The following RNPS1 variants were observed in gnomAD, a reference collection of about 807,000 sequenced individuals.
RNPS1 encodes RNA-binding protein with serine-rich domain 1.
For missense variants in RNPS1, 300 were observed against 427.6 expected (o/e 0.70, Z 2.63); for synonymous variants, 147 against 150.0 (o/e 0.98, Z 0.15).
Position 2,255,115 on chromosome 16 carries a change from TTG to T in RNPS1, c.818+468_818+469del, listed in dbSNP as rs2093571843. ...GCCCTGAGCTCTTGGGAACGGGTGC[TTG>T]TGAGACCCAAGGCAGAAGCCCAGGC... On this transcript the variant is annotated intron_variant, in intron 7 of 7. Coordinates refer to ENST00000320225, the MANE Select transcript of RNPS1 (RefSeq NM_080594.4). Among the ~76,000 whole-genome samples, 3 of 152,220 alleles carry T rather than the reference TTG, an allele frequency of 2.0e-5. No individual in the cohort carries two copies. In the South Asian group the frequency reaches 6.2e-4, roughly 32 times the overall value.
At chr16:2,259,211 T>C (rs1426942098) in intron 6 of RNPS1, among the ~76,000 whole-genome samples, 1 of 152,052 alleles carries the variant, frequency 6.6e-6, no homozygotes, top group African/African-American at 2.4e-5. Context: ...CCAAAAATTA[T>C]ACAGGAAGCA....
intron 1 of RNPS1, chr16:2,265,856 T>C (rs2093623036): frequency 6.5e-6 from 1 of 152,690 alleles, no homozygotes; most frequent in Non-Finnish European, 1.5e-5. Context: ...TTTTCAAAAA[T>C]AAGATGGAGA....
chr16:2,254,160 G>C, intron 7 of RNPS1, 97 bp from the exon 8 acceptor site: 1 of 871,868 alleles, frequency 1.1e-6, no homozygotes, highest in Non-Finnish European at 1.7e-6. Flanking sequence ...TTTTTGAGAT[G>C]GAATATCACT....
intron 1 of RNPS1, chr16:2,267,402 C>T: frequency 1.0e-6 from 1 of 982,886 alleles, no homozygotes; most frequent in Non-Finnish European, 1.2e-6. Context: ...CAAACTTAAC[C>T]TTCCCGTATC....
At chr16:2,266,304 G>T in intron 1 of RNPS1, 2 of 985,370 alleles carry the variant, frequency 2.0e-6, no homozygotes, top group Non-Finnish European at 1.2e-6. Flanking sequence ...TCTTGTCCAG[G>T]GGTAAAATGT....
At chr16:2,261,601 G>A (rs151102884) in intron 6 of RNPS1, among the ~76,000 whole-genome samples, 114 of 152,328 alleles carry the variant, frequency 7.5e-4, no homozygotes, top group Non-Finnish European at 1.4e-3. Context: ...AAGTGTTTTA[G>A]TACTGTCTGA....
rs1204054836 is a variant in RNPS1 at position 2,262,850 on chromosome 16, A to G, written c.420-8T>C. ...CTTTTAGGTGGTTTGGATCTGATTG[A>G]GAAAACAAAACACCAGAAACAATTT... On this transcript the variant is annotated splice_polypyrimidine_tract_variant and splice_region_variant and intron_variant, in intron 4 of 7. Coordinates refer to ENST00000320225, the MANE Select transcript of RNPS1 (RefSeq NM_080594.4). 1 of 1,610,468 alleles carries G rather than the reference A, an allele frequency of 6.2e-7. No individual in the cohort carries two copies. The highest frequency in any genetic ancestry group is 1.7e-5 in the Admixed American group (1 of 59,888).
intron 6 of RNPS1, chr16:2,258,392 T>A (rs903503965): frequency 6.6e-6 from 1 of 152,228 alleles, no homozygotes; most frequent in African/African-American, 2.4e-5. Flanking sequence ...AAAAAAGGTG[T>A]TCCTAAAACA....
At chr16:2,264,453 T>A in intron 2 of RNPS1, 120 bp downstream of exon 2, 1 of 1,537,432 alleles carries the variant, frequency 6.5e-7, no homozygotes. Flanking sequence ...CAGAGCAAAG[T>A]GGTCTGTGGC....
At chr16:2,259,391 C>T (rs1880219981) in intron 6 of RNPS1, among the ~76,000 whole-genome samples, 1 of 152,192 alleles carries the variant, frequency 6.6e-6, no homozygotes, top group Non-Finnish European at 1.5e-5. Context: ...ACAGAGCTAA[C>T]AAATTTCGTC....
intron 6 of RNPS1, chr16:2,258,276 G>T (rs1482811341): frequency 6.6e-6 from 1 of 152,178 alleles, no homozygotes; most frequent in Non-Finnish European, 1.5e-5. Flanking sequence ...AACTGAATTT[G>T]ATCCTTAAGC....
intron 7 of RNPS1, among the ~76,000 whole-genome samples, chr16:2,255,233 G>A (rs886970760): frequency 1.3e-5 from 2 of 151,864 alleles, no homozygotes; most frequent in Non-Finnish European, 2.9e-5. Flanking sequence ...TACCACCCCC[G>A]CCCCACAACT....
At chr16:2,267,710 C>CT in intron 1 of RNPS1, 2 of 1,235,046 alleles carry the variant, frequency 1.6e-6, no homozygotes, top group Non-Finnish European at 2.0e-6. Flanking sequence ...AGGGCAGGGC[C>CT]TGGCGTTGGG....
chr16:2,261,487 T>G (rs1378225676), intron 6 of RNPS1, among the ~76,000 whole-genome samples: 1 of 152,216 alleles, frequency 6.6e-6, no homozygotes, highest in Non-Finnish European at 1.5e-5. Flanking sequence ...CTCCCTACGA[T>G]TCTCGTGATT....
At chr16:2,255,499 G>A in intron 7 of RNPS1, 86 bp downstream of exon 7, 1 of 1,448,178 alleles carries the variant, frequency 6.9e-7, no homozygotes, top group Non-Finnish European at 9.3e-7. Flanking sequence ...TGGAAGGCAG[G>A]CAGGGCTGAA....
chr16:2,263,844 C>G lies in RNPS1; in HGVS notation c.227+332G>C, dbSNP rs1052265056. On this transcript the variant is annotated intron_variant, in intron 3 of 7. Transcript: ENST00000320225. The stretch of plus-strand genomic sequence containing the variant: ...CTCTTGCCTCAGCCCTCCCAAGTAG[C>G]TGGGACTACAGATGCATGCCACCAC... The G allele has an allele frequency of 6.3e-5, 18 of 287,616 alleles. 1 individual carries two copies. Among genetic ancestry groups the G allele is most frequent in the Admixed American group, 4.4e-4 (9 of 20,356 alleles). 17.8% of individuals were successfully genotyped at this position (287,616 alleles called of 1,614,324 possible). A position where few individuals can be genotyped will look rare whatever the true frequency, so the allele number is the denominator to read the frequency against.
Position 2,254,187 on chromosome 16 carries a change from G to C in RNPS1, c.819-124C>G, listed in dbSNP as rs181389678. 6 of 679,296 alleles carry C rather than the reference G, an allele frequency of 8.8e-6. No homozygotes were observed. In the East Asian group the frequency reaches 9.6e-5, roughly 11 times the overall value. The allele number at this position is 679,296 out of a possible 1,614,324, so 42.1% of individuals were successfully genotyped here. On this transcript the variant is annotated intron_variant, in intron 7 of 7. Transcript: ENST00000320225. ...AATATCACTCTGTCTCCAGGCCAGA[G>C]TGCAGTGGCACGATCTCAGCTCACT... is the stretch of plus-strand genomic sequence containing the variant.
chr16:2,267,849 G>T lies in RNPS1; in HGVS notation c.-118+206C>A, dbSNP rs1220110746. The T allele has an allele frequency of 4.5e-5, 68 of 1,508,808 alleles. No individual in the cohort carries two copies. In the Admixed American group the frequency reaches 1.4e-3, roughly 31 times the overall value. 93.5% of individuals were successfully genotyped at this position (1,508,808 alleles called of 1,614,324 possible). On this transcript the variant is annotated intron_variant, in intron 1 of 7. Coordinates refer to ENST00000320225, the MANE Select transcript of RNPS1 (RefSeq NM_080594.4). ...GCACAGGCGCCCTTCCGTCCGCAGC[G>T]GCCCCGACCACTTCCGGGCCACGGC...
At chr16:2,266,026 G>A in intron 1 of RNPS1, 1 of 771,060 alleles carries the variant, frequency 1.3e-6, no homozygotes, top group Non-Finnish European at 1.6e-6. Context: ...TCTGCCTTCA[G>A]TATTTCTAGT....
Sources: gnomAD v4.1 joint callset for allele counts (sites outside exome capture counted in the v4.1 genomes callset) on GRCh38, gnomAD v4.1.1 for gene constraint, MANE v1.5 for transcripts, NCBI Gene and HGNC (gene_info 2026-07-23, HGNC 2026-07-21) for gene names.